BFSP2: variants seen among roughly 807,000 people sequenced by gnomAD.
BFSP2 encodes the protein phakinin.
A neutral mutation model predicts 44.9 loss-of-function variants in BFSP2; 38 were observed. The ratio of observed to expected loss-of-function variants is 0.85; its 90% CI spans 0.65 to 1.11. BFSP2 has a LOEUF of 1.11. BFSP2 is among the 50% of genes least tolerant of loss of function. The pLI, the probability that BFSP2 is intolerant of heterozygous loss-of-function variation, is 0.00. For missense variants in BFSP2, 525 were observed against 533.0 expected, an observed-to-expected ratio of 0.99 and a Z score of 0.15; for synonymous variants, 197 against 209.9, an observed-to-expected ratio of 0.94 and a Z score of 0.53.
chr3:133,424,402 T>A (rs2073625122), intron 1 of BFSP2, among the ~76,000 whole-genome samples: 1 of 151,882 alleles, frequency 6.6e-6, no homozygotes, highest in African/African-American at 2.4e-5. Flanking sequence ...AGAAGAAACC[T>A]CGTTTCTTTC....
chr3:133,404,633 T>C (rs1210601579), intron 1 of BFSP2, among the ~76,000 whole-genome samples: 1 of 152,108 alleles, frequency 6.6e-6, no homozygotes, highest in African/African-American at 2.4e-5. Context: ...GGAGTGGAAA[T>C]TAAATAGCAG....
chr3:133,424,831 C>T (rs922145319), intron 1 of BFSP2, among the ~76,000 whole-genome samples: 11 of 152,148 alleles, frequency 7.2e-5, no homozygotes, highest in African/African-American at 9.7e-5. Flanking sequence ...GACAGTGTTT[C>T]GCCATGTTGG....
intron 6 of BFSP2, 57 bp from the exon 7 acceptor site, chr3:133,474,912 A>T (rs755802014): frequency 7.9e-5 from 127 of 1,607,790 alleles, no homozygotes; most frequent in Non-Finnish European, 9.3e-5. Flanking sequence ...TCCTATTGTG[A>T]TAGAATGACC....
At chr3:133,454,522 C>A (rs915532621) in intron 4 of BFSP2, among the ~76,000 whole-genome samples, 1 of 152,158 alleles carries the variant, frequency 6.6e-6, no homozygotes, top group African/African-American at 2.4e-5. Context: ...ATAAGACAGC[C>A]CTCACTTCAG....
In BFSP2 at chr3:133,400,346, T is replaced by C; in HGVS notation, c.263T>C (p.Leu88Pro). 5.0e-6 allele frequency: 8 copies of C among 1,614,044 alleles called. No individual in the cohort carries two copies. Among genetic ancestry groups the C allele is most frequent in the Non-Finnish European group, 6.8e-6 (8 of 1,180,042 alleles). Residue 88 changes from leucine to proline, a missense_variant, in exon 1 of 7, where the codon CTG (leucine) becomes CCG (proline). Leu to Pro is a moderately conservative substitution (Grantham distance 98). Coordinates refer to ENST00000302334, the MANE Select transcript of BFSP2 (RefSeq NM_003571.4). The surrounding 1 kb of genome is among the most constrained non-coding windows in gnomAD (Gnocchi z 4.0). ...ATCAGCAGTGTCTTCCTTCAGGGCC[T>C]GCGGAGCTCAGGCCTGGCCACCGTG... The part of the protein sequence containing the change: ...LGISSVFLQG[L>P]RSSGLATVPA...
chr3:133,449,683 G>A (rs2073938537), intron 3 of BFSP2, among the ~76,000 whole-genome samples: 1 of 151,996 alleles, frequency 6.6e-6, no homozygotes, highest in Non-Finnish European at 1.5e-5. Context: ...TTCAAGACCA[G>A]CCTGGGCAAC....
chr3:133,421,834 C>T (rs190129333), intron 1 of BFSP2, among the ~76,000 whole-genome samples: 25 of 152,258 alleles, frequency 1.6e-4, no homozygotes, highest in Admixed American at 9.2e-4. Flanking sequence ...CCTGGCTGGG[C>T]GTGGTGGCTC....
At chr3:133,440,938 C>T (rs549034096) in intron 1 of BFSP2, among the ~76,000 whole-genome samples, 2 of 152,210 alleles carry the variant, frequency 1.3e-5, no homozygotes, top group South Asian at 4.1e-4. Context: ...CCTTGGACAC[C>T]CAGTGGCTGT....
In BFSP2 at chr3:133,410,676, CCCGTGGGCGGACAGGAGT is replaced by C. The variant is rs370037488; in HGVS notation, c.489+10124_489+10141del. On this transcript the variant is annotated intron_variant, in intron 1 of 6. Coordinates refer to ENST00000302334, the MANE Select transcript of BFSP2 (RefSeq NM_003571.4). ...ACAGAAACCTATTGCCTGTGTGCAG[CCCGTGGGCGGACAGGAGT>C]CCGTGGGCGGACAGGAGTCTGTGGA... is the stretch of plus-strand genomic sequence containing the variant. 1.2e-3 allele frequency: 314 copies of C among 265,126 alleles called. 1 individual carries two copies. Among genetic ancestry groups the C allele is most frequent in the African/African-American group, 6.2e-3 (270 of 43,754 alleles). 16.4% of individuals were successfully genotyped at this position (265,126 alleles called of 1,614,324 possible).
intron 1 of BFSP2, among the ~76,000 whole-genome samples, chr3:133,435,609 G>A (rs921560849): frequency 6.6e-6 from 1 of 152,224 alleles, no homozygotes; most frequent in Non-Finnish European, 1.5e-5. Flanking sequence ...TAAGTGGAAA[G>A]TTCGCTTAAC....
chr3:133,421,914 C>G (rs962989892), intron 1 of BFSP2, among the ~76,000 whole-genome samples: 1 of 152,010 alleles, frequency 6.6e-6, no homozygotes, highest in African/African-American at 2.4e-5. Flanking sequence ...CAAGACCATC[C>G]TGGCCTACGT....
chr3:133,450,267 C>T (rs754536841), intron 3 of BFSP2, 36 bp from the exon 4 acceptor site: 1 of 1,612,358 alleles, frequency 6.2e-7, no homozygotes, highest in Non-Finnish European at 8.5e-7. Context: ...TTATTTCCCC[C>T]CGTAACTCAT....
At chr3:133,458,735 G>C (rs1393854647) in intron 4 of BFSP2, among the ~76,000 whole-genome samples, 1 of 151,904 alleles carries the variant, frequency 6.6e-6, no homozygotes, top group Non-Finnish European at 1.5e-5. Flanking sequence ...AGACATTGTA[G>C]AGCGCTCTCT....
Position 133,400,477 on chromosome 3 carries a change from C to A in BFSP2, c.394C>A (p.Leu132Met), listed in dbSNP as rs1205585205. 4.3e-6 allele frequency: 7 copies of A among 1,614,006 alleles called. No homozygotes were observed. The Admixed American group carries it at 1.2e-4, about 27-fold the overall frequency. Residue 132 changes from leucine to methionine, a missense_variant, in exon 1 of 7, where the codon CTG becomes ATG. Transcript: ENST00000302334. The surrounding 1 kb of genome is among the most constrained non-coding windows in gnomAD (Gnocchi z 4.0). ...CGCCCTTGAGCAAGTCAGTCAGGAG[C>A]TGGAAACACAACTGCGGATGCACCT... ...VHALEQVSQE[L>M]ETQLRMHLES...
intron 1 of BFSP2, among the ~76,000 whole-genome samples, chr3:133,413,486 C>T (rs2073476077): frequency 6.6e-6 from 1 of 151,990 alleles, no homozygotes; most frequent in Admixed American, 6.6e-5. Flanking sequence ...TGGCTTTTTA[C>T]GGGGGAATTA....
intron 1 of BFSP2, among the ~76,000 whole-genome samples, chr3:133,430,117 A>G (rs1401013808): frequency 2.3e-4 from 35 of 151,824 alleles, no homozygotes; most frequent in African/African-American, 5.3e-4. Flanking sequence ...AGTATTCCAT[A>G]GTGTATATGT....
intron 1 of BFSP2, among the ~76,000 whole-genome samples, chr3:133,407,876 G>A (rs1260745962): frequency 6.6e-6 from 1 of 152,100 alleles, no homozygotes; most frequent in Non-Finnish European, 1.5e-5. Context: ...CCTAGGGTCA[G>A]TTCTAAATGT....
chr3:133,415,365 T>TCTCTCCCCTACTCACCCCTCC (rs2073511455), intron 1 of BFSP2, among the ~76,000 whole-genome samples: 1 of 18,968 alleles, frequency 5.3e-5, no homozygotes. Context: ...CTCACCCCTC[T>TCTCTCCCCTACTCACCCCTCC]ACTCAACCCT....
Position 133,466,901 on chromosome 3 carries a change from A to C in BFSP2, c.965A>C (p.His322Pro). The C allele has an allele frequency of 1.2e-6, 2 of 1,614,048 alleles. No individual in the cohort carries two copies. The highest frequency in any genetic ancestry group is 1.7e-6 in the Non-Finnish European group (2 of 1,179,970). The change falls in exon 5 of 7, where the codon CAC becomes CCC. Residue 322 changes from histidine to proline, a missense_variant. Physicochemically the swap from His to Pro is moderately conservative, Grantham distance 77. Coordinates refer to ENST00000302334, the MANE Select transcript of BFSP2 (RefSeq NM_003571.4). ...GCAGCTGCCCTCAGGGTGGAGTTAC[A>C]CAACACTTCGTGCCAAGTCCAGAGC... Reference protein sequence around the residue: ...KLAAALRVELHNTSCQVQSLQ... With the variant: ...KLAAALRVELPNTSCQVQSLQ...
Sources: allele counts gnomAD v4.1 joint callset (sites outside exome capture counted in the v4.1 genomes callset), GRCh38; gene constraint gnomAD v4.1.1; non-coding constraint Gnocchi (gnomAD v3.1); transcripts MANE v1.5; gene names NCBI Gene and HGNC (gene_info 2026-07-23, HGNC 2026-07-21).